Variants in LRRC4C observed in about 807,000 individuals in gnomAD.
LRRC4C encodes leucine rich repeat containing 4C.
In LRRC4C, 5 loss-of-function variants were observed where a neutral mutation model predicts 33.6. The ratio of observed to expected loss-of-function variants is 0.15; its 90% CI spans 0.08 to 0.31. LRRC4C has a LOEUF of 0.31. LRRC4C is among the 10% of genes least tolerant of loss of function. The pLI is 1.00. For synonymous variants in LRRC4C, 329 were observed against 302.0 expected, an observed-to-expected ratio of 1.09 and a Z score of -0.93; for missense variants, 560 against 796.7, an observed-to-expected ratio of 0.70 and a Z score of 3.58.
intron 5 of LRRC4C, among the ~76,000 whole-genome samples, chr11:40,202,763 GCTATCAAGGGTAATAA>G (rs1862858339): frequency 6.6e-6 from 1 of 152,104 alleles, no homozygotes; most frequent in African/African-American, 2.4e-5. Flanking sequence ...AAGGGGCAAA[GCTATCAAGGGTAATAA>G]TCAAAGCTTG....
intron 1 of LRRC4C, among the ~76,000 whole-genome samples, chr11:41,331,499 T>C (rs879920907): frequency 2.0e-4 from 31 of 152,168 alleles, no homozygotes; most frequent in Admixed American, 1.4e-3. Flanking sequence ...TAAATGTGAG[T>C]ATCCTGAAGC....
chr11:41,143,808 G>A (rs925261863), intron 1 of LRRC4C, among the ~76,000 whole-genome samples: 3 of 152,138 alleles, frequency 2.0e-5, no homozygotes, highest in Admixed American at 1.3e-4. Context: ...AATTGAAAAG[G>A]AAAACACTAA....
intron 3 of LRRC4C, among the ~76,000 whole-genome samples, chr11:40,427,268 C>G (rs916741460): frequency 6.7e-6 from 1 of 150,334 alleles, no homozygotes; most frequent in African/African-American, 2.5e-5. Context: ...CTTTGGGAGG[C>G]TGAGGTGGGT....
intron 4 of LRRC4C, among the ~76,000 whole-genome samples, chr11:40,270,274 G>T (rs1344976679): frequency 6.6e-6 from 1 of 152,154 alleles, no homozygotes; most frequent in Non-Finnish European, 1.5e-5. Context: ...CAGTTTCAGA[G>T]ACTAGAAGTC....
chr11:40,980,696 T>C (rs1332909278), intron 1 of LRRC4C, among the ~76,000 whole-genome samples: 1 of 152,194 alleles, frequency 6.6e-6, no homozygotes, highest in Non-Finnish European at 1.5e-5. Context: ...ACCTTCTCTT[T>C]CGTATTTCAT....
intron 1 of LRRC4C, among the ~76,000 whole-genome samples, chr11:41,095,345 G>A (rs1421935378): frequency 1.3e-5 from 2 of 152,128 alleles, no homozygotes; most frequent in African/African-American, 2.4e-5. Flanking sequence ...AAGACATCGG[G>A]ATTACAATTC....
At chr11:40,283,920 C>T (rs1264762572) in intron 4 of LRRC4C, among the ~76,000 whole-genome samples, 2 of 151,964 alleles carry the variant, frequency 1.3e-5, no homozygotes, top group Non-Finnish European at 2.9e-5. Context: ...TCAGGCTGGT[C>T]TTGAACTCCC....
chr11:40,461,670 T>TTA (rs1008230332), intron 3 of LRRC4C, among the ~76,000 whole-genome samples: 1 of 148,900 alleles, frequency 6.7e-6, no homozygotes, highest in African/African-American at 2.4e-5. Context: ...TATATACAAA[T>TTA]TATATATATA....
chr11:41,139,978 C>T (rs1943432473), intron 1 of LRRC4C, among the ~76,000 whole-genome samples: 1 of 152,078 alleles, frequency 6.6e-6, no homozygotes, highest in African/African-American at 2.4e-5. Context: ...AGCCCTTTGG[C>T]CATATTTCTG....
intron 6 of LRRC4C, among the ~76,000 whole-genome samples, chr11:40,132,198 A>G (rs1188261141): frequency 1.3e-5 from 2 of 152,202 alleles, no homozygotes; most frequent in African/African-American, 4.8e-5. Context: ...ATTCTGCTCT[A>G]TATATCAATT....
At chr11:40,784,814 G>GT (rs1454224445) in intron 2 of LRRC4C, among the ~76,000 whole-genome samples, 2 of 152,096 alleles carry the variant, frequency 1.3e-5, no homozygotes, top group Non-Finnish European at 2.9e-5. Context: ...ATAGTGTATA[G>GT]TTTTTAAGGT....
intron 5 of LRRC4C, among the ~76,000 whole-genome samples, chr11:40,170,636 T>A (rs1859968680): frequency 6.6e-6 from 1 of 152,186 alleles, no homozygotes. Context: ...CTTGCTCAAA[T>A]CTTGAGAAAT....
chr11:40,203,945 TAGA>T (rs1862956563), intron 5 of LRRC4C, among the ~76,000 whole-genome samples: 2 of 152,172 alleles, frequency 1.3e-5, no homozygotes, highest in Non-Finnish European at 1.5e-5. Context: ...TTTTTAGAGA[TAGA>T]GTCTCACTGT....
chr11:41,186,813 C>A (rs1945712882), intron 1 of LRRC4C, among the ~76,000 whole-genome samples: 1 of 152,230 alleles, frequency 6.6e-6, no homozygotes, highest in South Asian at 2.1e-4. Flanking sequence ...CATTTTGATA[C>A]CGTTTAGGTA....
At chr11:40,987,806 A>G (rs1371205147) in intron 1 of LRRC4C, among the ~76,000 whole-genome samples, 1 of 151,022 alleles carries the variant, frequency 6.6e-6, no homozygotes, top group Admixed American at 6.6e-5. Flanking sequence ...CTCACTTACC[A>G]CCCCATGAAA....
chr11:41,236,350 C>T (rs777731983), intron 1 of LRRC4C, among the ~76,000 whole-genome samples: 1 of 152,042 alleles, frequency 6.6e-6, no homozygotes, highest in Non-Finnish European at 1.5e-5. Context: ...CTCTGTTTCT[C>T]ATAGCCAAAC....
intron 1 of LRRC4C, among the ~76,000 whole-genome samples, chr11:41,052,924 A>G (rs889324567): frequency 2.0e-5 from 3 of 152,120 alleles, no homozygotes; most frequent in Non-Finnish European, 4.4e-5. Context: ...CCATCTTCTC[A>G]ATCAAATTTT....
intron 2 of LRRC4C, among the ~76,000 whole-genome samples, chr11:40,659,830 T>C (rs1344847767): frequency 6.6e-6 from 1 of 152,152 alleles, no homozygotes; most frequent in African/African-American, 2.4e-5. Context: ...AGAAAACTCC[T>C]CTCCACCTTG....
intron 6 of LRRC4C, among the ~76,000 whole-genome samples, chr11:40,121,951 AC>A (rs1855857545): frequency 6.6e-6 from 1 of 152,118 alleles, no homozygotes; most frequent in South Asian, 2.1e-4. Context: ...ACCACACCTT[AC>A]CATCTACATC....
Sources: allele counts gnomAD v4.1 joint callset (sites outside exome capture counted in the v4.1 genomes callset), GRCh38; gene constraint gnomAD v4.1.1; transcripts MANE v1.5; gene names NCBI Gene and HGNC (gene_info 2026-07-23, HGNC 2026-07-21).